The following MCF2 variants were observed in gnomAD, a reference collection of about 807,000 sequenced individuals.
The protein encoded by MCF2 is MCF.2 cell line derived transforming sequence, also known as proto-oncogene DBL.
A neutral mutation model predicts 82.5 loss-of-function variants in MCF2; 44 were observed. That is an observed-to-expected ratio of 0.53 (90% CI 0.42 to 0.69). The LOEUF is 0.69. MCF2 is among the 30% of genes least tolerant of loss of function. MCF2 has a pLI of 0.00. For missense variants in MCF2, 623 were observed against 663.1 expected (o/e 0.94, Z 0.66); for synonymous variants, 217 against 224.9 (o/e 0.96, Z 0.32).
intron 1 of MCF2, among the ~76,000 whole-genome samples, chrX:139,690,932 A>G (rs1263363931): frequency 9.0e-6 from 1 of 111,239 alleles, no homozygotes; most frequent in Non-Finnish European, 1.9e-5. Context: ...CCGGTGCCCC[A>G]GTCAGAATGG....
chrX:139,685,295 A>T (rs1203307769), intron 1 of MCF2, among the ~76,000 whole-genome samples: 1 of 111,005 alleles, frequency 9.0e-6, no homozygotes, highest in Non-Finnish European at 1.9e-5. Context: ...CCTCCAAAGA[A>T]AGAAGAAGTA....
At chrX:139,687,742 C>T (rs1445549313) in intron 1 of MCF2, among the ~76,000 whole-genome samples, 1 of 112,043 alleles carries the variant, frequency 8.9e-6, no homozygotes, top group Non-Finnish European at 1.9e-5. Flanking sequence ...TATTATGCCT[C>T]GATTAGCAGG....
At chrX:139,705,539 C>A (rs983315343) in intron 1 of MCF2, among the ~76,000 whole-genome samples, 1 of 112,307 alleles carries the variant, frequency 8.9e-6, no homozygotes, top group Non-Finnish European at 1.9e-5. Context: ...GGGCCCATAC[C>A]TTTCTCCATA....
chrX:139,694,166 G>A (rs938158523), intron 1 of MCF2, among the ~76,000 whole-genome samples: 7 of 111,287 alleles, frequency 6.3e-5, no homozygotes, highest in African/African-American at 2.3e-4. Flanking sequence ...TTTTAAAAAA[G>A]AAGGAAATAA....
At chrX:139,682,715 C>T (rs1391223484) in intron 1 of MCF2, among the ~76,000 whole-genome samples, 2 of 111,746 alleles carry the variant, frequency 1.8e-5, no homozygotes, top group Admixed American at 9.5e-5. Context: ...ACATATGCCT[C>T]TCATTTCTTC....
intron 1 of MCF2, among the ~76,000 whole-genome samples, chrX:139,656,573 A>G (rs988618381): frequency 1.8e-5 from 2 of 112,373 alleles, no homozygotes; most frequent in Non-Finnish European, 3.8e-5. Context: ...TGGGTTGGAA[A>G]CAGACTGAAG....
intron 24 of MCF2, among the ~76,000 whole-genome samples, chrX:139,584,128 C>CATTTTTTTTTTTTTTTTTTTTTTTTT (rs1184841644): frequency 1.4e-5 from 1 of 72,643 alleles, no homozygotes; most frequent in African/African-American, 5.7e-5. Context: ...TGCCATTATC[C>CATTTTTTTTTTTTTTTTTTTTTTTTT]TTTTTTTTTT....
chrX:139,704,185 G>C (rs924294013), intron 1 of MCF2, among the ~76,000 whole-genome samples: 2 of 111,821 alleles, frequency 1.8e-5, no homozygotes, highest in Non-Finnish European at 3.8e-5. Flanking sequence ...TTGAGAACCA[G>C]AACAAGATAA....
intron 2 of MCF2, among the ~76,000 whole-genome samples, chrX:139,650,825 A>G (rs1433443249): frequency 8.9e-6 from 1 of 112,144 alleles, no homozygotes; most frequent in Non-Finnish European, 1.9e-5. Flanking sequence ...AGTGTGGAAT[A>G]TACATAAAAT....
chrX:139,691,809 G>A, intron 1 of MCF2: 1 of 636,305 alleles, frequency 1.6e-6, no homozygotes, highest in Non-Finnish European at 2.5e-6. Flanking sequence ...GGAGGGGTGT[G>A]GACTGGAAAA....
exon 15 of MCF2, chrX:139,604,691 A>G: frequency 8.4e-7 from 1 of 1,186,187 alleles, no homozygotes; most frequent in Non-Finnish European, 1.1e-6. Context: ...CCTTTCCAGG[A>G]AACAAGGTCC....
chrX:139,703,737 C>A (rs1935541862), intron 1 of MCF2, among the ~76,000 whole-genome samples: 1 of 110,211 alleles, frequency 9.1e-6, no homozygotes, highest in East Asian at 2.9e-4. Context: ...TCTGTCAAAA[C>A]AAACAAACAA....
At chrX:139,603,707 C>T (rs1301498108) in intron 15 of MCF2, among the ~76,000 whole-genome samples, 10 of 110,602 alleles carry the variant, frequency 9.0e-5, no homozygotes, top group Non-Finnish European at 1.7e-4. Flanking sequence ...TGGTGGTGGG[C>T]ACCTGTAGTC....
intron 13 of MCF2, 71 bp downstream of exon 17, chrX:139,605,642 A>C (rs1021262676): frequency 1.3e-5 from 12 of 955,277 alleles, no homozygotes; most frequent in Middle Eastern, 2.7e-4. Flanking sequence ...ATTGCCCCTA[A>C]ACACTTTCTA....
intron 1 of MCF2, among the ~76,000 whole-genome samples, chrX:139,703,279 G>A (rs967929847): frequency 1.8e-5 from 2 of 111,944 alleles, no homozygotes; most frequent in Non-Finnish European, 3.8e-5. Context: ...GAGGATACAA[G>A]GGAAGGGTGA....
rs73573980 is a variant in MCF2, at chrX:139,599,409, C to T, written c.1837-911G>A. 9.6e-3 allele frequency among the ~76,000 whole-genome samples: 1,056 copies of T among 109,535 alleles called. 11 individuals carry two copies. Among genetic ancestry groups the T allele is most frequent in the African/African-American group, 0.033 (1,007 of 30,169 alleles). On this transcript the variant is annotated intron_variant, in intron 16 of 24. Transcript: ENST00000370576. ...AGAAGATAAGCAAGGGGAAAACTTC[C>T]GCAAAATTTGGAAACTGGAAACCAA...
At chrX:139,673,006 C>T (rs1319609286) in intron 1 of MCF2, among the ~76,000 whole-genome samples, 1 of 111,718 alleles carries the variant, frequency 9.0e-6, no homozygotes, top group Non-Finnish European at 1.9e-5. Flanking sequence ...TGTTATTGGT[C>T]TATTCAGAGA....
intron 1 of MCF2, among the ~76,000 whole-genome samples, chrX:139,675,056 G>A (rs971476489): frequency 4.5e-5 from 5 of 111,723 alleles, no homozygotes; most frequent in Non-Finnish European, 9.4e-5. Context: ...TTCTCGCTTG[G>A]TTTCATTAAC....
intron 17 of MCF2, 101 bp from the exon 22 acceptor site, chrX:139,597,686 A>T: frequency 3.1e-6 from 2 of 648,489 alleles, no homozygotes; most frequent in Non-Finnish European, 4.5e-6. Context: ...ATCCAAATAT[A>T]ATGTCACATT....
Sources: gnomAD v4.1 joint callset for allele counts (sites outside exome capture counted in the v4.1 genomes callset) on GRCh38, gnomAD v4.1.1 for gene constraint, MANE v1.5 for transcripts, NCBI Gene and HGNC (gene_info 2026-07-23, HGNC 2026-07-21) for gene names.